Variants in GOLPH3 observed in about 807,000 individuals in gnomAD.
GOLPH3 encodes the protein coat protein GPP34.
In GOLPH3, 14 loss-of-function variants were observed where a neutral mutation model predicts 28.5. That is an observed-to-expected ratio of 0.49 (90% CI 0.32 to 0.77). The LOEUF is 0.77. Ranked by LOEUF, GOLPH3 falls within the 30% of genes least tolerant of loss-of-function variation. The pLI, the probability that GOLPH3 is intolerant of heterozygous loss-of-function variation, is 0.03. For missense variants in GOLPH3, 350 were observed against 393.7 expected, an observed-to-expected ratio of 0.89 and a Z score of 0.94; for synonymous variants, 158 against 159.2, an observed-to-expected ratio of 0.99 and a Z score of 0.06.
At chr5:32,131,029 T>A (rs1267896199) in intron 3 of GOLPH3, among the ~76,000 whole-genome samples, 1 of 152,184 alleles carries the variant, frequency 6.6e-6, no homozygotes, top group East Asian at 1.9e-4. Context: ...GACTGGCCCT[T>A]CCTACTGGCA....
chr5:32,173,970 G>A lies in GOLPH3; in HGVS notation c.65C>T (p.Ala22Val). The A allele has an allele frequency of 1.4e-6, 2 of 1,403,886 alleles. No individual in the cohort carries two copies. The highest frequency in any genetic ancestry group is 1.8e-6 in the Non-Finnish European group (2 of 1,085,938). The allele number at this position is 1,403,886 out of a possible 1,614,324, so 87.0% of individuals were successfully genotyped here. The change falls in exon 1 of 4, where the codon GCC (alanine) becomes GTC (valine). Residue 22 changes from alanine to valine, a missense_variant. Transcript: ENST00000265070. ...VQRRTEASRN[A>V]ADKERAAGGG... ...GCCCGCCGCCCGCTCCTTGTCGGCGGCGTTGCGGGAGGCCTCGGTGCGCCG... is the reference window on the plus strand; with the variant it reads ...GCCCGCCGCCCGCTCCTTGTCGGCGACGTTGCGGGAGGCCTCGGTGCGCCG...
At chr5:32,143,438 A>G (rs1337119349) in intron 2 of GOLPH3, among the ~76,000 whole-genome samples, 2 of 151,280 alleles carry the variant, frequency 1.3e-5, no homozygotes, top group Admixed American at 6.6e-5. Context: ...AACACCCAAG[A>G]ATGATCAATA....
intron 1 of GOLPH3, among the ~76,000 whole-genome samples, chr5:32,158,132 TACACACACACACAC>T (rs70961610): frequency 3.3e-4 from 11 of 33,684 alleles, no homozygotes; most frequent in East Asian, 1.5e-3. Flanking sequence ...ATAAATAAAA[TACACACACACACAC>T]ACACACACAC....
At chr5:32,132,875 G>A (rs548072845) in intron 3 of GOLPH3, among the ~76,000 whole-genome samples, 104 of 152,144 alleles carry the variant, frequency 6.8e-4, no homozygotes, top group Non-Finnish European at 1.3e-3. Flanking sequence ...TATTTGCCAG[G>A]AGATTTTTTT....
chr5:32,128,368 T>C (rs149297442), intron 3 of GOLPH3, among the ~76,000 whole-genome samples: 113 of 152,122 alleles, frequency 7.4e-4, no homozygotes, highest in African/African-American at 2.6e-3. Flanking sequence ...CTAATAAAGA[T>C]TAAAAGCGGC....
intron 3 of GOLPH3, among the ~76,000 whole-genome samples, chr5:32,130,499 T>C (rs1473257963): frequency 1.3e-5 from 2 of 152,186 alleles, no homozygotes; most frequent in African/African-American, 4.8e-5. Flanking sequence ...AAAACCTAAG[T>C]ATAGCAGAAT....
chr5:32,165,379 T>C (rs1194829383), intron 1 of GOLPH3, among the ~76,000 whole-genome samples: 1 of 152,148 alleles, frequency 6.6e-6, no homozygotes, highest in East Asian at 1.9e-4. Flanking sequence ...GGTCATGAGT[T>C]TGAGACCAGC....
chr5:32,161,800 G>A (rs1364346086), intron 1 of GOLPH3, among the ~76,000 whole-genome samples: 5 of 150,990 alleles, frequency 3.3e-5, no homozygotes, highest in African/African-American at 1.2e-4. Context: ...GGCAGAGGCG[G>A]GCGGACCACG....
intron 1 of GOLPH3, among the ~76,000 whole-genome samples, chr5:32,168,081 GAAGGA>G (rs1235982834): frequency 2.6e-5 from 4 of 152,202 alleles, no homozygotes; most frequent in African/African-American, 9.6e-5. Context: ...CAAAAAATAT[GAAGGA>G]AATATCATTT....
chr5:32,174,140 GA>G lies in GOLPH3; in HGVS notation c.-107del. 1 of 747,144 alleles carries G rather than the reference GA, an allele frequency of 1.3e-6. No homozygotes were observed. Among genetic ancestry groups the G allele is most frequent in the Non-Finnish European group, 1.8e-6 (1 of 548,220 alleles). The allele number at this position is 747,144 out of a possible 1,614,324, so 46.3% of individuals were successfully genotyped here. A position where few individuals can be genotyped will look rare whatever the true frequency, so the allele number is the denominator to read the frequency against. ...GATCCGGGTTTCCGTGTTAAATCCG[GA>G]CGCCGGGGCGACGTCCGTCGGCAGC... On this transcript the variant is annotated 5_prime_UTR_variant, in exon 1 of 4. An upstream open reading frame in the 5' UTR loses its in-frame stop. Transcript: ENST00000265070.
intron 1 of GOLPH3, among the ~76,000 whole-genome samples, chr5:32,158,573 C>A (rs190328534): frequency 5.6e-4 from 85 of 152,140 alleles, no homozygotes; most frequent in Non-Finnish European, 2.9e-5. Flanking sequence ...GCAAGTCCAT[C>A]TCCACTACTC....
intron 1 of GOLPH3, among the ~76,000 whole-genome samples, chr5:32,157,219 T>C (rs894543266): frequency 7.9e-5 from 12 of 152,162 alleles, no homozygotes; most frequent in East Asian, 5.8e-4. Context: ...CAAATCCAAC[T>C]CGGAAATTCA....
At chr5:32,134,030 T>G (rs554647172) in intron 3 of GOLPH3, among the ~76,000 whole-genome samples, 1 of 152,228 alleles carries the variant, frequency 6.6e-6, no homozygotes, top group Admixed American at 6.5e-5. Flanking sequence ...GTGCCCATTA[T>G]TGCCGTTAGC....
Position 32,173,967 on chromosome 5 carries a change from G to C in GOLPH3, c.68C>G (p.Ala23Gly), listed in dbSNP as rs1402746585. 7.1e-7 allele frequency: 1 copy of C among 1,407,620 alleles called. No individual in the cohort carries two copies. The highest frequency in any genetic ancestry group is 9.2e-7 in the Non-Finnish European group (1 of 1,087,450). 87.2% of individuals were successfully genotyped at this position (1,407,620 alleles called of 1,614,324 possible). A position where few individuals can be genotyped will look rare whatever the true frequency, so the allele number is the denominator to read the frequency against. Residue 23 changes from alanine to glycine, a missense_variant, in exon 1 of 4, where the codon GCC becomes GGC. Ala to Gly is a moderately conservative substitution (Grantham distance 60). Transcript: ENST00000265070. ...QRRTEASRNA[A>G]DKERAAGGGA... The stretch of plus-strand genomic sequence containing the variant: ...GCCGCCCGCCGCCCGCTCCTTGTCG[G>C]CGGCGTTGCGGGAGGCCTCGGTGCG...
intron 1 of GOLPH3, 132 bp downstream of exon 1, chr5:32,173,678 C>G (rs527287480): frequency 6.7e-5 from 37 of 553,354 alleles, no homozygotes; most frequent in Admixed American, 5.0e-4. Flanking sequence ...TGGGCGCCAC[C>G]AGGCGCGGAC....
chr5:32,147,701 A>C (rs984611549), intron 1 of GOLPH3, among the ~76,000 whole-genome samples: 1 of 152,206 alleles, frequency 6.6e-6, no homozygotes, highest in Non-Finnish European at 1.5e-5. Context: ...TAGTTGTTCA[A>C]GCTTAAAAGG....
intron 1 of GOLPH3, among the ~76,000 whole-genome samples, chr5:32,151,518 T>C (rs544217541): frequency 8.5e-5 from 13 of 152,304 alleles, no homozygotes; most frequent in South Asian, 6.2e-4. Context: ...CAAAAAAATA[T>C]ATATTTTGAA....
intron 2 of GOLPH3, among the ~76,000 whole-genome samples, chr5:32,142,027 C>G (rs1320326758): frequency 6.6e-6 from 1 of 152,156 alleles, no homozygotes; most frequent in African/African-American, 2.4e-5. Context: ...GGCCGCCACC[C>G]CGTCTGGGAA....
At chr5:32,168,257 AG>A (rs1294738774) in intron 1 of GOLPH3, among the ~76,000 whole-genome samples, 1 of 152,230 alleles carries the variant, frequency 6.6e-6, no homozygotes, top group Non-Finnish European at 1.5e-5. Flanking sequence ...ACGTATAGAA[AG>A]GAAAACAATT....
Sources: gnomAD v4.1 joint callset for allele counts (sites outside exome capture counted in the v4.1 genomes callset) on GRCh38, gnomAD v4.1.1 for gene constraint, MANE v1.5 for transcripts, NCBI Gene and HGNC (gene_info 2026-07-23, HGNC 2026-07-21) for gene names.